The following CADM2 variants were observed in gnomAD, a reference collection of about 807,000 sequenced individuals.
CADM2 encodes the protein immunoglobulin superfamily member 4D.
Under a neutral mutation model 49.8 loss-of-function variants are expected in CADM2, and 12 were observed. That is an observed-to-expected ratio of 0.24 (90% CI 0.15 to 0.39). The LOEUF (loss-of-function observed/expected upper bound fraction) is 0.39, where lower values mean the gene tolerates loss of function less well. CADM2 is among the 10% of genes least tolerant of loss of function. The pLI is 1.00. For synonymous variants in CADM2, 214 were observed against 175.4 expected, an observed-to-expected ratio of 1.22 and a Z score of -1.74; for missense variants, 378 against 492.3, an observed-to-expected ratio of 0.77 and a Z score of 2.20.
chr3:86,014,393 T>G (rs1307380979), intron 8 of CADM2: 92 of 1,476,052 alleles, frequency 6.2e-5, no homozygotes, highest in Non-Finnish European at 8.1e-5. Flanking sequence ...TAGTACTGCA[T>G]TTACTCAACG....
intron 1 of CADM2, among the ~76,000 whole-genome samples, chr3:84,982,967 T>A (rs2032302252): frequency 1.3e-5 from 2 of 148,786 alleles, no homozygotes; most frequent in Non-Finnish European, 2.9e-5. Flanking sequence ...CATGATGGTC[T>A]CAATCTCCTG....
chr3:85,528,830 C>A (rs1461870036), intron 1 of CADM2, among the ~76,000 whole-genome samples: 3 of 152,138 alleles, frequency 2.0e-5, no homozygotes, highest in African/African-American at 7.2e-5. Flanking sequence ...TATCCAAAAT[C>A]TTCTCTCAGA....
At chr3:85,625,919 A>G (rs1462643701) in intron 1 of CADM2, among the ~76,000 whole-genome samples, 2 of 152,008 alleles carry the variant, frequency 1.3e-5, no homozygotes, top group African/African-American at 2.4e-5. Flanking sequence ...CTGTTTTTAT[A>G]TGTACCAAAC....
At chr3:85,473,327 G>A (rs2107613104) in intron 1 of CADM2, among the ~76,000 whole-genome samples, 1 of 152,178 alleles carries the variant, frequency 6.6e-6, no homozygotes, top group African/African-American at 2.4e-5. Flanking sequence ...GGACACAGCT[G>A]TCGATAAAAT....
intron 2 of CADM2, among the ~76,000 whole-genome samples, chr3:85,761,657 G>A (rs951698647): frequency 5.9e-5 from 9 of 152,078 alleles, no homozygotes; most frequent in African/African-American, 1.9e-4. Flanking sequence ...TTACAGGCGT[G>A]AGCCACCACG....
intron 1 of CADM2, among the ~76,000 whole-genome samples, chr3:85,125,461 T>C (rs2039002139): frequency 6.6e-6 from 1 of 151,928 alleles, no homozygotes; most frequent in Non-Finnish European, 1.5e-5. Flanking sequence ...TGGGCTCAGG[T>C]GTTCCTTCCA....
intron 1 of CADM2, among the ~76,000 whole-genome samples, chr3:85,489,047 A>G (rs1454020143): frequency 6.6e-6 from 1 of 152,104 alleles, no homozygotes; most frequent in African/African-American, 2.4e-5. Context: ...ATCTTGTGCA[A>G]TTCCTACCCA....
At chr3:85,949,168 T>C (rs1005125246) in intron 7 of CADM2, among the ~76,000 whole-genome samples, 18 of 151,336 alleles carry the variant, frequency 1.2e-4, no homozygotes, top group Non-Finnish European at 1.0e-4. Context: ...TTGTGGCTTA[T>C]TAATGAGTTA....
intron 1 of CADM2, among the ~76,000 whole-genome samples, chr3:85,404,077 AACAAAAATT>A (rs1380526602): frequency 6.6e-6 from 1 of 152,146 alleles, no homozygotes; most frequent in Non-Finnish European, 1.5e-5. Flanking sequence ...TAGCCAAATT[AACAAAAATT>A]ACACAAATTG....
chr3:85,274,189 A>T (rs1310922401), intron 1 of CADM2, among the ~76,000 whole-genome samples: 1 of 151,338 alleles, frequency 6.6e-6, no homozygotes, highest in Non-Finnish European at 1.5e-5. Flanking sequence ...AATTAAAGTT[A>T]GTATAGCATT....
intron 1 of CADM2, among the ~76,000 whole-genome samples, chr3:85,641,608 G>A (rs996934806): frequency 6.6e-6 from 1 of 152,090 alleles, no homozygotes; most frequent in South Asian, 2.1e-4. Flanking sequence ...GGGGGACAGA[G>A]ATATCAGGTA....
At chr3:85,620,505 A>G (rs922557050) in intron 1 of CADM2, among the ~76,000 whole-genome samples, 3 of 152,028 alleles carry the variant, frequency 2.0e-5, no homozygotes, top group Non-Finnish European at 4.4e-5. Flanking sequence ...ATAAAATGGA[A>G]CGTAAAAAGC....
intron 1 of CADM2, among the ~76,000 whole-genome samples, chr3:85,454,847 A>AAC (rs1243355097): frequency 1.9e-5 from 2 of 103,558 alleles, no homozygotes; most frequent in African/African-American, 2.7e-5. Context: ...TAACACACAA[A>AAC]ACAGAATCAC....
intron 8 of CADM2, chr3:86,014,663 C>A: frequency 6.4e-7 from 1 of 1,562,052 alleles, no homozygotes; most frequent in Non-Finnish European, 8.7e-7. Flanking sequence ...CTCTGGTACC[C>A]TCAGTCATGG....
chr3:85,344,380 A>AT (rs2030326014), intron 1 of CADM2, among the ~76,000 whole-genome samples: 1 of 140,340 alleles, frequency 7.1e-6, no homozygotes, highest in Non-Finnish European at 1.5e-5. Flanking sequence ...ACACCATCTC[A>AT]AAATAAATAA....
At chr3:85,735,462 G>A (rs571444565) in intron 2 of CADM2, among the ~76,000 whole-genome samples, 1 of 152,128 alleles carries the variant, frequency 6.6e-6, no homozygotes, top group African/African-American at 2.4e-5. Context: ...GGAGACACAG[G>A]TCATGTAAGG....
intron 1 of CADM2, among the ~76,000 whole-genome samples, chr3:85,154,697 G>A (rs1361705304): frequency 6.7e-5 from 10 of 148,932 alleles, no homozygotes; most frequent in African/African-American, 1.0e-4. Context: ...GAGAAAGGTC[G>A]GGTTACCCTC....
At chr3:85,215,578 C>T (rs1426025495) in intron 1 of CADM2, among the ~76,000 whole-genome samples, 1 of 151,864 alleles carries the variant, frequency 6.6e-6, no homozygotes, top group African/African-American at 2.4e-5. Flanking sequence ...CCTTAACCAC[C>T]CAAGCTGGTG....
Position 84,959,317 on chromosome 3 carries a change from G to A in CADM2, c.-291G>A, listed in dbSNP as rs1330546982. ...CTGGGACTTGCTGTGCGCGCCGAGA[G>A]GAAGGCAAGCTCCAAACCCCTGCCT... On this transcript the variant is annotated 5_prime_UTR_variant, in exon 1 of 10. Transcript: ENST00000383699. The A allele has an allele frequency of 5.7e-6, 3 of 524,538 alleles. No individual in the cohort carries two copies. Among genetic ancestry groups the A allele is most frequent in the African/African-American group, 2.0e-5 (1 of 51,112 alleles). The allele number at this position is 524,538 out of a possible 1,614,324, so 32.5% of individuals were successfully genotyped here.
Sources: allele counts gnomAD v4.1 joint callset (sites outside exome capture counted in the v4.1 genomes callset), GRCh38; gene constraint gnomAD v4.1.1; transcripts MANE v1.5; gene names NCBI Gene and HGNC (gene_info 2026-07-23, HGNC 2026-07-21).